The following NRDC variants were observed in gnomAD, a reference collection of about 807,000 sequenced individuals.
NRDC encodes nardilysin.
In NRDC, 54 loss-of-function variants were observed where a neutral mutation model predicts 147.1. That is an observed-to-expected ratio of 0.37 (90% CI 0.29 to 0.46). The LOEUF (loss-of-function observed/expected upper bound fraction) is 0.46. NRDC is among the 20% of genes least tolerant of loss of function. The pLI is 1.00. For synonymous variants in NRDC, 440 were observed against 482.1 expected, an observed-to-expected ratio of 0.91 and a Z score of 1.14; for missense variants, 1,082 against 1,370.6, an observed-to-expected ratio of 0.79 and a Z score of 3.33.
Position 51,863,025 on chromosome 1 carries a change from A to AAC in NRDC, c.341+15249_341+15250insGT, listed in dbSNP as rs1380398978. ...ACTCTGTGTGGAGGAAAAAAAAAAA[A>AAC]AAAAAAAAAAAAACAAGCAATAACC... On this transcript the variant is annotated intron_variant, in intron 1 of 30. Transcript: ENST00000352171. Among the ~76,000 whole-genome samples, 4 of 149,852 alleles carry AAC rather than the reference A, an allele frequency of 2.7e-5. 1 individual carries two copies. The highest frequency in any genetic ancestry group is 5.9e-5 in the Non-Finnish European group (4 of 67,448).
Position 51,810,172 on chromosome 1 carries a change from T to TA in NRDC, c.1903+108dup, listed in dbSNP as rs1403273956. On this transcript the variant is annotated intron_variant, in intron 16 of 30. Coordinates refer to ENST00000352171, the MANE Select transcript of NRDC (RefSeq NM_001101662.2). ...AATTTTCATTTCAAAGTGAACTTTTTAAAAAATTATACTTTTTCCCCCTCT... is the reference window on the plus strand; with the variant it reads ...AATTTTCATTTCAAAGTGAACTTTTTAAAAAAATTATACTTTTTCCCCCTCT... The TA allele has an allele frequency of 9.3e-6, 7 of 750,858 alleles. No individual in the cohort carries two copies. The African/African-American group carries it at 1.1e-4, about 12-fold the overall frequency. 46.5% of individuals were successfully genotyped at this position (750,858 alleles called of 1,614,324 possible). A position where few individuals can be genotyped will look rare whatever the true frequency, so the allele number is the denominator to read the frequency against.
intron 13 of NRDC, 114 bp from the exon 14 acceptor site, chr1:51,814,203 G>A: frequency 1.5e-6 from 1 of 652,546 alleles, no homozygotes; most frequent in Non-Finnish European, 2.7e-6. Flanking sequence ...AGTAGGCTTA[G>A]TACCTGGGTG....
intron 9 of NRDC, among the ~76,000 whole-genome samples, chr1:51,818,470 T>C (rs1416041905): frequency 2.6e-5 from 4 of 152,234 alleles, no homozygotes; most frequent in Non-Finnish European, 5.9e-5. Context: ...TATCTTGCTA[T>C]ATGTGCTTAC....
intron 1 of NRDC, among the ~76,000 whole-genome samples, chr1:51,856,865 T>C (rs751701028): frequency 6.6e-5 from 10 of 152,170 alleles, no homozygotes; most frequent in Non-Finnish European, 1.0e-4. Flanking sequence ...TCCTGAGGCC[T>C]GCCCATGAGA....
chr1:51,877,106 T>G (rs1281092539), intron 1 of NRDC, among the ~76,000 whole-genome samples: 1 of 152,020 alleles, frequency 6.6e-6, no homozygotes, highest in East Asian at 1.9e-4. Context: ...GAGAATCGCT[T>G]GAACCCGGGA....
At chr1:51,807,831 G>A (rs1679538903) in intron 17 of NRDC, among the ~76,000 whole-genome samples, 1 of 144,294 alleles carries the variant, frequency 6.9e-6, no homozygotes, top group Non-Finnish European at 1.5e-5. Flanking sequence ...GTGTGATGGA[G>A]TTTCACTCTT....
chr1:51,790,506 GCTGT>G lies in NRDC; in HGVS notation c.3168+23_3168+26del, dbSNP rs763103819. The G allele has an allele frequency of 4.2e-6, 6 of 1,411,778 alleles. No individual in the cohort carries two copies. The East Asian group carries it at 1.4e-4, about 32-fold the overall frequency. The allele number at this position is 1,411,778 out of a possible 1,614,324, so 87.5% of individuals were successfully genotyped here. ...GAATCAGGAACCTTGACCAGTTTGA[GCTGT>G]CTTACTCTGAAAACCATGTTACCTC... On this transcript the variant is annotated intron_variant, in intron 29 of 30. Transcript: ENST00000352171.
At chr1:51,812,947 G>A (rs1490723472) in intron 14 of NRDC, among the ~76,000 whole-genome samples, 9 of 110,514 alleles carry the variant, frequency 8.1e-5, no homozygotes, top group Non-Finnish European at 1.5e-4. Context: ...AGATGACAGA[G>A]CAAGACTCTG....
chr1:51,790,413 G>A (rs1678555790), intron 29 of NRDC, 120 bp downstream of exon 29: 1 of 735,038 alleles, frequency 1.4e-6, no homozygotes, highest in Non-Finnish European at 2.4e-6. Flanking sequence ...CGAGTAATCA[G>A]GCCAGGACTA....
chr1:51,808,634 T>G (rs1261759281), intron 17 of NRDC, among the ~76,000 whole-genome samples: 1 of 152,208 alleles, frequency 6.6e-6, no homozygotes, highest in Non-Finnish European at 1.5e-5. Context: ...TCAATTATTT[T>G]GGGTATATAC....
chr1:51,792,514 A>G lies in NRDC; in HGVS notation c.2776-90T>C. 4.7e-6 allele frequency: 5 copies of G among 1,072,610 alleles called. No individual in the cohort carries two copies. The South Asian group carries it at 6.4e-5, about 14-fold the overall frequency. The allele number at this position is 1,072,610 out of a possible 1,614,324, so 66.4% of individuals were successfully genotyped here. ...AGCTATTCTAGGCAACCACTTAGGT[A>G]TCACCACCAATCGCTCTCCCCCAAG... On this transcript the variant is annotated intron_variant, in intron 24 of 30. Transcript: ENST00000352171.
At chr1:51,825,460 C>A (rs1231773999) in intron 5 of NRDC, 78 bp from the exon 6 acceptor site, 3 of 1,126,314 alleles carry the variant, frequency 2.7e-6, no homozygotes, top group Non-Finnish European at 2.6e-6. Flanking sequence ...ACTTACAGAA[C>A]AGAAAGCAAG....
chr1:51,821,826 T>C (rs754397455), intron 7 of NRDC, among the ~76,000 whole-genome samples: 9 of 152,162 alleles, frequency 5.9e-5, no homozygotes, highest in South Asian at 2.1e-4. Context: ...AATATATCTT[T>C]AGCATTAGGC....
chr1:51,847,432 G>A (rs937177528), intron 1 of NRDC, among the ~76,000 whole-genome samples: 1 of 152,248 alleles, frequency 6.6e-6, no homozygotes, highest in Non-Finnish European at 1.5e-5. Flanking sequence ...AGCAGGGGGC[G>A]GCGCTCGTTG....
intron 4 of NRDC, among the ~76,000 whole-genome samples, chr1:51,831,464 C>A (rs1409821265): frequency 6.6e-6 from 1 of 152,138 alleles, no homozygotes; most frequent in Non-Finnish European, 1.5e-5. Context: ...AGTAAAGATG[C>A]AGTTTTCTTC....
Position 51,833,576 on chromosome 1 carries a change from T to C in NRDC, c.866+441A>G, listed in dbSNP as rs190832924. On this transcript the variant is annotated intron_variant, in intron 4 of 30. Coordinates refer to ENST00000352171, the MANE Select transcript of NRDC (RefSeq NM_001101662.2). ...ATATAATAGAACAAGAGTCAAAGTG[T>C]ATTTAACAGTTTAACAGCTTTTTTC... 5.1e-3 allele frequency among the ~76,000 whole-genome samples: 777 copies of C among 152,194 alleles called. 10 individuals are homozygous for C. Among genetic ancestry groups the C allele is most frequent in the African/African-American group, 0.018 (754 of 41,544 alleles).
intron 1 of NRDC, among the ~76,000 whole-genome samples, chr1:51,871,040 G>T (rs1683062477): frequency 6.6e-6 from 1 of 151,976 alleles, no homozygotes; most frequent in South Asian, 2.1e-4. Context: ...CTCTTGGCCG[G>T]GCGTGGTGCC....
At chr1:51,807,378 T>C (rs531731236) in intron 17 of NRDC, among the ~76,000 whole-genome samples, 1 of 152,330 alleles carries the variant, frequency 6.6e-6, no homozygotes, top group South Asian at 2.1e-4. Context: ...AAATAGCTAA[T>C]TTTTAAAATT....
At chr1:51,842,122 C>T (rs1681295521) in intron 1 of NRDC, among the ~76,000 whole-genome samples, 1 of 151,898 alleles carries the variant, frequency 6.6e-6, no homozygotes, top group South Asian at 2.1e-4. Flanking sequence ...GCAGCGAGCC[C>T]AGATCGGGCC....
Sources: gnomAD v4.1 joint callset for allele counts (sites outside exome capture counted in the v4.1 genomes callset) on GRCh38, gnomAD v4.1.1 for gene constraint, MANE v1.5 for transcripts, NCBI Gene and HGNC (gene_info 2026-07-23, HGNC 2026-07-21) for gene names.